ABHD4: variants seen among roughly 807,000 people sequenced by gnomAD.
The protein encoded by ABHD4 is (Lyso)-N-acylphosphatidylethanolamine lipase.
A neutral mutation model predicts 42.3 loss-of-function variants in ABHD4; 35 were observed. The ratio of observed to expected loss-of-function variants is 0.83; its 90% CI spans 0.63 to 1.10. The LOEUF is 1.10. Among genes scored for constraint, ABHD4 ranks in the 50% least tolerant of loss-of-function variants. The pLI, the probability that ABHD4 is intolerant of heterozygous loss-of-function variation, is 0.00. For missense variants in ABHD4, 389 were observed against 454.8 expected, an observed-to-expected ratio of 0.86 and a Z score of 1.32; for synonymous variants, 169 against 170.6, an observed-to-expected ratio of 0.99 and a Z score of 0.07.
rs768834215 is a variant in ABHD4, at chr14:22,604,097, T to C, written c.640+18T>C. 3 of 1,613,642 alleles carry C rather than the reference T, an allele frequency of 1.9e-6. No individual in the cohort carries two copies. Among genetic ancestry groups the C allele is most frequent in the Admixed American group, 1.7e-5 (1 of 60,002 alleles). On this transcript the variant is annotated intron_variant, in intron 4 of 6. Transcript: ENST00000428304. ...GCCCTGGGGTGAGTAGCCTGTAGTA[T>C]CTCCTTAAAGGAAGGCTATAACGTT...
At chr14:22,606,632 C>A in intron 5 of ABHD4, 99 bp downstream of exon 5, 1 of 828,006 alleles carries the variant, frequency 1.2e-6, no homozygotes, top group Non-Finnish European at 1.9e-6. Flanking sequence ...TTCAACAAAG[C>A]TCTGACTCAG....
rs2037241379 is a variant in ABHD4 at position 22,598,338 on chromosome 14, A to T, written c.23+9A>T. 6.4e-7 allele frequency: 1 copy of T among 1,551,632 alleles called. No homozygotes were observed. On this transcript the variant is annotated intron_variant, in intron 1 of 6. Transcript: ENST00000428304. The stretch of plus-strand genomic sequence containing the variant: ...GATGATCTGGAGCAGCAGTGAGTTA[A>T]TCCTGTCCCTTTCTCTCTTTCTCTC...
At chr14:22,600,972 A>G (rs964790914) in intron 1 of ABHD4, among the ~76,000 whole-genome samples, 1 of 152,040 alleles carries the variant, frequency 6.6e-6, no homozygotes, top group African/African-American at 2.4e-5. Flanking sequence ...GTGTTACCGC[A>G]TGTCATTAGA....
intron 1 of ABHD4, among the ~76,000 whole-genome samples, chr14:22,601,159 G>A (rs1476083884): frequency 6.6e-6 from 1 of 152,130 alleles, no homozygotes; most frequent in Non-Finnish European, 1.5e-5. Flanking sequence ...GATCAGTTGG[G>A]CACAACACAG....
At position 22,609,834 on chromosome 14, in the gene ABHD4, G is replaced by A; in HGVS notation, c.863G>A (p.Gly288Glu). ...RKDVPITMIY[G>E]SDTWIDTSTG... ...GATGTGCCTATCACTATGATCTACGGGTCCGACACCTGGATAGATACCAGT... is the reference window on the plus strand; with the variant it reads ...GATGTGCCTATCACTATGATCTACGAGTCCGACACCTGGATAGATACCAGT... The change falls in exon 6 of 7, where the codon GGG becomes GAG. Residue 288 changes from glycine (G) to glutamate (E), a missense_variant. Around this residue, in one of 3 missense-constraint regions of ABHD4, gnomAD observed 249 missense variants for 254.4 expected, o/e 0.98. Transcript: ENST00000428304. 6.2e-7 allele frequency: 1 copy of A among 1,614,084 alleles called. No homozygotes were observed.
At chr14:22,605,622 C>A (rs541723480) in intron 4 of ABHD4, among the ~76,000 whole-genome samples, 1 of 152,184 alleles carries the variant, frequency 6.6e-6, no homozygotes, top group East Asian at 1.9e-4. Context: ...CTCCCCTATT[C>A]TCACCTCTGG....
At chr14:22,603,296 G>A in intron 2 of ABHD4, 94 bp from the exon 3 acceptor site, 1 of 1,508,654 alleles carries the variant, frequency 6.6e-7, no homozygotes, top group Admixed American at 1.8e-5. Context: ...GAGGGTTCGG[G>A]AATGGAGAGA....
intron 1 of ABHD4, chr14:22,600,274 A>C: frequency 2.2e-6 from 1 of 444,760 alleles, no homozygotes; most frequent in South Asian, 1.6e-5. Context: ...CATAAATGTA[A>C]AAATGTGGTT....
intron 4 of ABHD4, among the ~76,000 whole-genome samples, chr14:22,605,492 G>A (rs1184469361): frequency 6.6e-6 from 1 of 152,236 alleles, no homozygotes; most frequent in Non-Finnish European, 1.5e-5. Context: ...AGTTCTGAGA[G>A]AGAGGAAGGA....
rs1295232427 is a variant in ABHD4 at position 22,600,829 on chromosome 14, GGGGTGTGTGT to G, written c.24-836_24-827del. 7.7e-3 allele frequency among the ~76,000 whole-genome samples: 964 copies of G among 125,156 alleles called. 13 individuals are homozygous for G. The highest frequency in any genetic ancestry group is 0.034 in the South Asian group (126 of 3,676). 82.1% of individuals were successfully genotyped at this position (125,156 alleles called of 152,430 possible). On this transcript the variant is annotated intron_variant, in intron 1 of 6. Transcript: ENST00000428304. Reference sequence around the variant, plus strand: ...AACACTATGATTCACGTCCAGCAGGGGGGTGTGTGTGTGTGTGTGTGTGTGTGTGTGTGTG... The same window carrying G: ...AACACTATGATTCACGTCCAGCAGGGGTGTGTGTGTGTGTGTGTGTGTGTG...
chr14:22,610,669 T>G (rs72677601), intron 6 of ABHD4, among the ~76,000 whole-genome samples, 190 bp from the exon 7 acceptor site: 6 of 152,240 alleles, frequency 3.9e-5, no homozygotes, highest in Admixed American at 1.3e-4. Context: ...GTTTATCAAG[T>G]AAGTAGAATG....
intron 5 of ABHD4, 26 bp from the exon 6 acceptor site, chr14:22,609,698 G>C: frequency 1.2e-6 from 2 of 1,609,080 alleles, no homozygotes; most frequent in South Asian, 1.1e-5. Context: ...CTGCTGTGAA[G>C]TTTATTGCTG....
chr14:22,608,191 A>C (rs1194199277), intron 5 of ABHD4, among the ~76,000 whole-genome samples: 1 of 152,242 alleles, frequency 6.6e-6, no homozygotes, highest in Non-Finnish European at 1.5e-5. Flanking sequence ...GCCGTGCTGC[A>C]GTATCTTAAG....
At position 22,603,564 on chromosome 14, in the gene ABHD4, C is replaced by T. The variant is rs544167609; in HGVS notation, c.287C>T (p.Thr96Ile). 2.5e-6 allele frequency: 4 copies of T among 1,614,184 alleles called. No homozygotes were observed. In the East Asian group the frequency reaches 8.9e-5, roughly 36 times the overall value. Residue 96 changes from threonine to isoleucine, a missense_variant, in exon 3 of 7, where the codon ACA becomes ATA. Coordinates refer to ENST00000428304, the MANE Select transcript of ABHD4 (RefSeq NM_022060.3). ...LNMDSLSARR[T>I]LHTFDLLGFG... ...ATGGACTCACTGAGTGCCCGCCGCACACTGCACACCTTCGATCTGCTTGGC... is the reference window on the plus strand; with the variant it reads ...ATGGACTCACTGAGTGCCCGCCGCATACTGCACACCTTCGATCTGCTTGGC...
intron 5 of ABHD4, among the ~76,000 whole-genome samples, chr14:22,606,887 G>A (rs979995695): frequency 6.6e-6 from 1 of 151,092 alleles, no homozygotes; most frequent in African/African-American, 2.4e-5. Context: ...CTTTTTTTAG[G>A]TCAAAAATAA....
Position 22,601,683 on chromosome 14 carries a change from A to T in ABHD4, c.40A>T (p.Ser14Cys). The T allele has an allele frequency of 6.2e-7, 1 of 1,614,144 alleles. No individual in the cohort carries two copies. Among genetic ancestry groups the T allele is most frequent in the Non-Finnish European group, 8.5e-7 (1 of 1,179,994 alleles). ...TCCTCCCAGGTCTCAAGGCTGGCTG[A>T]GTAGCTGGCTGCCCACGTGGCGCCC... ...DLEQQSQGWL[S>C]SWLPTWRPTS... The change falls in exon 2 of 7, where the codon AGT (serine) becomes TGT (cysteine). Residue 14 changes from serine (S) to cysteine (C), a missense_variant. Physicochemically the swap from Ser to Cys is moderately radical, Grantham distance 112. Around this residue, in one of 3 missense-constraint regions of ABHD4, gnomAD observed 102 missense variants for 128.3 expected, o/e 0.80. Transcript: ENST00000428304.
intron 5 of ABHD4, among the ~76,000 whole-genome samples, chr14:22,607,410 A>G (rs1350368458): frequency 6.6e-6 from 1 of 151,926 alleles, no homozygotes; most frequent in Non-Finnish European, 1.5e-5. Flanking sequence ...TTACTGCCCT[A>G]CTCCTTTCTA....
At position 22,612,926 on chromosome 14, in the gene ABHD4, T is replaced by G. The variant is rs2037430621; in HGVS notation, c.*1978T>G. On this transcript the variant is annotated 3_prime_UTR_variant, in exon 7 of 7. Transcript: ENST00000428304. ...AAAGACAAAGGGTACATCTAGCACA[T>G]AGTTCGTGTTCAATAAATGTTTGTT... The G allele has an allele frequency of 6.6e-6, 1 of 152,166 alleles. No homozygotes were observed. The highest frequency in any genetic ancestry group is 2.4e-5 in the African/African-American group (1 of 41,436). The allele number at this position is 152,166 out of a possible 1,614,324, so 9.4% of individuals were successfully genotyped here.
At chr14:22,605,179 G>A (rs2037335120) in intron 4 of ABHD4, among the ~76,000 whole-genome samples, 2 of 152,324 alleles carry the variant, frequency 1.3e-5, no homozygotes, top group Non-Finnish European at 2.9e-5. Flanking sequence ...TGGGGAGCTA[G>A]CCATAATGAA....
Sources: allele counts gnomAD v4.1 joint callset (sites outside exome capture counted in the v4.1 genomes callset), GRCh38; gene constraint gnomAD v4.1.1; regional missense constraint gnomAD v4.1.1; transcripts MANE v1.5; gene names NCBI Gene and HGNC (gene_info 2026-07-23, HGNC 2026-07-21).